The following CORO2B variants were observed in gnomAD, a reference collection of about 807,000 sequenced individuals.
CORO2B encodes coronin-2B.
In CORO2B, 26 loss-of-function variants were observed where a neutral mutation model predicts 58.8. The observed-to-expected ratio is 0.44, with a 90% CI of 0.32 to 0.61. The LOEUF is 0.61. Among genes scored for constraint, CORO2B ranks in the 20% least tolerant of loss-of-function variants. The probability of loss-of-function intolerance (pLI) is 0.04; values close to 1 mark genes in which losing one functional copy is unlikely to be tolerated. For synonymous variants in CORO2B, 242 were observed against 253.8 expected (o/e 0.95, Z 0.44); for missense variants, 460 against 645.1 (o/e 0.71, Z 3.11).
intron 3 of CORO2B, among the ~76,000 whole-genome samples, chr15:68,698,995 A>ACTTT (rs1425732888): frequency 6.6e-6 from 1 of 152,186 alleles, no homozygotes; most frequent in Admixed American, 6.5e-5. Flanking sequence ...AGAGGAGAAG[A>ACTTT]GGTAGTTAGC....
intron 2 of CORO2B, among the ~76,000 whole-genome samples, chr15:68,665,274 G>T (rs550370525): frequency 6.6e-6 from 1 of 151,946 alleles, no homozygotes; most frequent in Admixed American, 6.6e-5. Context: ...AGGCTTTGCT[G>T]CATTCTACAT....
intron 1 of CORO2B, among the ~76,000 whole-genome samples, chr15:68,592,731 G>C (rs1457014141): frequency 6.6e-6 from 1 of 152,166 alleles, no homozygotes; most frequent in East Asian, 1.9e-4. Context: ...TCTGTGTACT[G>C]TACAGTATGT....
chr15:68,534,423 A>G, the CORO2B span, among the ~76,000 whole-genome samples: 4 of 152,226 alleles, frequency 2.6e-5, no homozygotes, highest in Non-Finnish European at 4.4e-5. Flanking sequence ...TTTGCCCTAA[A>G]CATCTTCATA....
chr15:68,690,648 T>TTCTTTTC lies in CORO2B; in HGVS notation c.217-4491_217-4490insCTTTTCT, dbSNP rs200156309. ...AGCAATGTGATCACGTTAGCTTTCT[T>TTCTTTTC]TTTTTTTTTTTTTTTTTTTGAGACA... On this transcript the variant is annotated intron_variant, in intron 2 of 11. Transcript: ENST00000261861. Among the ~76,000 whole-genome samples, 434 of 108,798 alleles carry TTCTTTTC rather than the reference T, an allele frequency of 4.0e-3. 5 individuals are homozygous for TTCTTTTC. The highest frequency in any genetic ancestry group is 7.2e-3 in the African/African-American group (140 of 19,544). The allele number at this position is 108,798 out of a possible 152,430, so 71.4% of individuals were successfully genotyped here.
At chr15:68,521,096 C>T in the CORO2B span, among the ~76,000 whole-genome samples, 1 of 151,912 alleles carries the variant, frequency 6.6e-6, no homozygotes, top group East Asian at 1.9e-4. Context: ...AATTCATTTA[C>T]ATTTAATTGG....
chr15:68,661,324 T>C (rs965307719), intron 2 of CORO2B, among the ~76,000 whole-genome samples: 7 of 152,194 alleles, frequency 4.6e-5, no homozygotes, highest in African/African-American at 1.7e-4. Flanking sequence ...TTTCCTGATC[T>C]AGAGGCTGAA....
chr15:68,613,785 T>G (rs185238202), intron 1 of CORO2B, among the ~76,000 whole-genome samples: 1 of 152,232 alleles, frequency 6.6e-6, no homozygotes, highest in South Asian at 2.1e-4. Flanking sequence ...GCTCCTACTG[T>G]GTATACCTGT....
At chr15:68,547,132 G>A in the CORO2B span, among the ~76,000 whole-genome samples, 8 of 152,296 alleles carry the variant, frequency 5.3e-5, no homozygotes, top group Non-Finnish European at 1.0e-4. Flanking sequence ...AGGAGGTCCA[G>A]GATAATTGCT....
At chr15:68,579,464 G>A (rs1240231431) in intron 1 of CORO2B, among the ~76,000 whole-genome samples, 187 bp downstream of exon 1, 1 of 151,980 alleles carries the variant, frequency 6.6e-6, no homozygotes, top group Non-Finnish European at 1.5e-5. Context: ...GAGGCCAGGG[G>A]GAGGATGCCG....
At chr15:68,665,499 A>G (rs1283746995) in intron 2 of CORO2B, among the ~76,000 whole-genome samples, 1 of 151,090 alleles carries the variant, frequency 6.6e-6, no homozygotes, top group African/African-American at 2.4e-5. Context: ...GGATCTGCTT[A>G]TATAGATAGA....
intron 9 of CORO2B, 133 bp downstream of exon 9, chr15:68,718,943 G>A: frequency 1.1e-6 from 1 of 877,238 alleles, no homozygotes; most frequent in Admixed American, 2.1e-5. Flanking sequence ...CTAATTTGGG[G>A]TGAGGGGCAT....
At chr15:68,525,885 A>C in the CORO2B span, among the ~76,000 whole-genome samples, 1 of 152,218 alleles carries the variant, frequency 6.6e-6, no homozygotes, top group African/African-American at 2.4e-5. Flanking sequence ...TCTTCTGCCC[A>C]AAAAGTTTGC....
At chr15:68,600,221 G>A (rs1307935095) in intron 1 of CORO2B, among the ~76,000 whole-genome samples, 2 of 152,188 alleles carry the variant, frequency 1.3e-5, no homozygotes, top group East Asian at 3.8e-4. Flanking sequence ...AAGTGCTGTT[G>A]TTTTGCAAAT....
chr15:68,608,697 G>C (rs1489825930), intron 1 of CORO2B, among the ~76,000 whole-genome samples: 2 of 152,154 alleles, frequency 1.3e-5, no homozygotes, highest in African/African-American at 4.8e-5. Flanking sequence ...AAGCATTCCT[G>C]CATCCTGAAT....
intron 2 of CORO2B, among the ~76,000 whole-genome samples, chr15:68,679,036 T>A (rs561179380): frequency 6.6e-6 from 1 of 152,322 alleles, no homozygotes; most frequent in South Asian, 2.1e-4. Flanking sequence ...GTGAGGGCCT[T>A]CCCAGAAATA....
At chr15:68,704,204 C>T (rs1892730115) in intron 3 of CORO2B, among the ~76,000 whole-genome samples, 1 of 151,182 alleles carries the variant, frequency 6.6e-6, no homozygotes, top group African/African-American at 2.4e-5. Context: ...TGCACCACTG[C>T]ACTCCAGCCT....
At chr15:68,642,996 C>T (rs1183282589) in intron 1 of CORO2B, among the ~76,000 whole-genome samples, 2 of 152,222 alleles carry the variant, frequency 1.3e-5, no homozygotes, top group Non-Finnish European at 2.9e-5. Context: ...TAAACTTTTG[C>T]CAGGTCCACC....
chr15:68,629,909 A>G (rs1004984772), intron 1 of CORO2B, among the ~76,000 whole-genome samples: 3 of 152,316 alleles, frequency 2.0e-5, no homozygotes, highest in Admixed American at 2.0e-4. Context: ...AAAGCACCCC[A>G]GTAGAAAGAG....
At chr15:68,634,056 C>T (rs954497552) in intron 1 of CORO2B, among the ~76,000 whole-genome samples, 6 of 152,242 alleles carry the variant, frequency 3.9e-5, no homozygotes, top group Admixed American at 6.5e-5. Flanking sequence ...GGCATCTCCC[C>T]GGCTCAGCCT....
Sources: allele counts gnomAD v4.1 joint callset (sites outside exome capture counted in the v4.1 genomes callset), GRCh38; gene constraint gnomAD v4.1.1; transcripts MANE v1.5; gene names NCBI Gene and HGNC (gene_info 2026-07-23, HGNC 2026-07-21).